ANK3: variants seen among roughly 807,000 people sequenced by gnomAD.
ANK3 encodes the protein ankyrin 3.
Under a neutral mutation model 370.9 loss-of-function variants are expected in ANK3, and 57 were observed. The observed-to-expected ratio is 0.15, with a 90% CI of 0.12 to 0.19. The LOEUF (loss-of-function observed/expected upper bound fraction) is 0.19. Ranked by LOEUF, ANK3 falls within the 10% of genes least tolerant of loss-of-function variation. The pLI is 1.00. For synonymous variants in ANK3, 1,929 were observed against 1,946.3 expected (o/e 0.99, Z 0.23); for missense variants, 4,439 against 5,302.1 (o/e 0.84, Z 5.06).
intron 1 of ANK3, among the ~76,000 whole-genome samples, chr10:60,356,498 C>A (rs1395146250): frequency 6.6e-6 from 1 of 152,172 alleles, no homozygotes; most frequent in Non-Finnish European, 1.5e-5. Flanking sequence ...GCTCATGAAG[C>A]TCCCTCAGAG....
At chr10:60,261,766 G>A in intron 7 of ANK3, 93 bp downstream of exon 7, 3 of 1,089,022 alleles carry the variant, frequency 2.8e-6, no homozygotes, top group South Asian at 1.4e-5. Flanking sequence ...AGGACTCTTG[G>A]AGAAAATTTG....
At chr10:60,418,294 G>A (rs2063710259) in intron 2 of ANK3, among the ~76,000 whole-genome samples, 1 of 152,112 alleles carries the variant, frequency 6.6e-6, no homozygotes, top group Middle Eastern at 3.2e-3. Context: ...CTGACTCACT[G>A]TTCCCATTGC....
At chr10:60,260,581 G>A (rs2097789260) in intron 7 of ANK3, among the ~76,000 whole-genome samples, 1 of 152,176 alleles carries the variant, frequency 6.6e-6, no homozygotes, top group Admixed American at 6.5e-5. Context: ...AGTGTCCCAT[G>A]TTGGAGGTGC....
At chr10:60,280,552 T>C (rs945959935) in intron 1 of ANK3, among the ~76,000 whole-genome samples, 2 of 152,174 alleles carry the variant, frequency 1.3e-5, no homozygotes, top group Non-Finnish European at 2.9e-5. Context: ...CATCTATAAT[T>C]TCATAGTTGA....
chr10:60,456,842 C>T (rs2064761440), intron 2 of ANK3, among the ~76,000 whole-genome samples: 1 of 152,096 alleles, frequency 6.6e-6, no homozygotes, highest in East Asian at 1.9e-4. Context: ...TTTTTGCTTC[C>T]TGCTGCTAGG....
intron 1 of ANK3, among the ~76,000 whole-genome samples, chr10:60,309,734 T>C (rs1452456976): frequency 2.0e-5 from 3 of 152,104 alleles, no homozygotes; most frequent in African/African-American, 4.8e-5. Context: ...TGTAGAAATA[T>C]ACCAATCCCT....
intron 1 of ANK3, among the ~76,000 whole-genome samples, chr10:60,715,527 G>T (rs933999672): frequency 2.6e-5 from 4 of 152,204 alleles, no homozygotes; most frequent in Admixed American, 2.6e-4. Context: ...AGGGTGGGGA[G>T]AATATACAAA....
intron 2 of ANK3, among the ~76,000 whole-genome samples, chr10:60,419,612 T>C (rs1019354904): frequency 7.9e-5 from 12 of 152,212 alleles, no homozygotes; most frequent in African/African-American, 2.7e-4. Flanking sequence ...AGTGTCTGCA[T>C]TGATATGTTG....
intron 1 of ANK3, among the ~76,000 whole-genome samples, chr10:60,303,284 G>GA (rs2044239699): frequency 6.6e-6 from 1 of 151,976 alleles, no homozygotes; most frequent in African/African-American, 2.4e-5. Flanking sequence ...TTAGGATTCA[G>GA]AAAAAATATT....
rs542454316 is a variant in ANK3, at chr10:60,498,476, C to T, written c.96+116710G>A. On this transcript the variant is annotated intron_variant, in intron 2 of 43. Transcript: ENST00000373827. Reference sequence around the variant, plus strand: ...CAATCACAGCTCACTGCAGCCTTGACCTCTTGGGCCAAAGCAATCCTCCTG... The same window carrying T: ...CAATCACAGCTCACTGCAGCCTTGATCTCTTGGGCCAAAGCAATCCTCCTG... Among the ~76,000 whole-genome samples, 17 of 152,234 alleles carry T rather than the reference C, an allele frequency of 1.1e-4. No individual in the cohort carries two copies. In the East Asian group the frequency reaches 3.1e-3, roughly 28 times the overall value.
At chr10:60,449,336 T>C (rs2064534486) in intron 2 of ANK3, among the ~76,000 whole-genome samples, 1 of 152,220 alleles carries the variant, frequency 6.6e-6, no homozygotes, top group African/African-American at 2.4e-5. Flanking sequence ...AAACATCCTT[T>C]TTTGCACAAC....
intron 1 of ANK3, among the ~76,000 whole-genome samples, chr10:60,640,006 C>T (rs542105882): frequency 2.4e-4 from 36 of 151,182 alleles, no homozygotes; most frequent in African/African-American, 7.5e-4. Flanking sequence ...AGTAAAATGA[C>T]GAAAGAAGAT....
At chr10:60,409,286 C>T (rs1044904141) in intron 2 of ANK3, among the ~76,000 whole-genome samples, 6 of 152,120 alleles carry the variant, frequency 3.9e-5, no homozygotes, top group Admixed American at 6.6e-5. Context: ...TCTGGAGAGA[C>T]CAAGAGATAA....
chr10:60,185,239 T>C (rs1273021948), intron 17 of ANK3, among the ~76,000 whole-genome samples: 2 of 152,232 alleles, frequency 1.3e-5, no homozygotes, highest in African/African-American at 4.8e-5. Context: ...GTCTCCTGTA[T>C]ATGTCTTTTG....
intron 42 of ANK3, chr10:60,043,073 C>T: frequency 9.0e-7 from 1 of 1,112,698 alleles, no homozygotes; most frequent in Non-Finnish European, 1.1e-6. Context: ...CACCACAGCT[C>T]ACAAGGCAGC....
chr10:60,582,538 A>C (rs755469400), intron 2 of ANK3, among the ~76,000 whole-genome samples: 1 of 151,952 alleles, frequency 6.6e-6, no homozygotes, highest in African/African-American at 2.4e-5. Flanking sequence ...GAAGAGGCCA[A>C]GGTCACCAAG....
chr10:60,628,882 A>G (rs182410220), intron 1 of ANK3, among the ~76,000 whole-genome samples: 2 of 152,304 alleles, frequency 1.3e-5, no homozygotes, highest in East Asian at 1.9e-4. Context: ...AACATTTCCA[A>G]TTGGTTAGGA....
intron 1 of ANK3, among the ~76,000 whole-genome samples, chr10:60,324,681 G>A (rs970542003): frequency 1.3e-5 from 2 of 151,866 alleles, no homozygotes; most frequent in African/African-American, 2.4e-5. Flanking sequence ...TTTTTGGAGC[G>A]CTCTCCCTTT....
chr10:60,085,020 A>G, intron 31 of ANK3, 137 bp downstream of exon 31: 1 of 787,180 alleles, frequency 1.3e-6, no homozygotes, highest in Non-Finnish European at 2.0e-6. Context: ...TTATTTGAGG[A>G]TAATTTTGAT....
Sources: allele counts gnomAD v4.1 joint callset (sites outside exome capture counted in the v4.1 genomes callset), GRCh38; gene constraint gnomAD v4.1.1; transcripts MANE v1.5; gene names NCBI Gene and HGNC (gene_info 2026-07-23, HGNC 2026-07-21).